MAEA: variants seen among roughly 807,000 people sequenced by gnomAD.
MAEA encodes the protein macrophage erythroblast attacher, E3 ubiquitin ligase.
A neutral mutation model predicts 46.2 loss-of-function variants in MAEA; 22 were observed. That is an observed-to-expected ratio of 0.48 (90% CI 0.34 to 0.68). MAEA has a LOEUF of 0.68. Ranked by LOEUF, MAEA falls within the 30% of genes least tolerant of loss-of-function variation. The pLI, the probability that MAEA is intolerant of heterozygous loss-of-function variation, is 0.01. For synonymous variants in MAEA, 246 were observed against 222.6 expected, an observed-to-expected ratio of 1.11 and a Z score of -0.94; for missense variants, 393 against 558.1, an observed-to-expected ratio of 0.70 and a Z score of 2.98.
intron 1 of MAEA, among the ~76,000 whole-genome samples, chr4:1,290,554 A>C (rs1733998336): frequency 6.6e-6 from 1 of 152,178 alleles, no homozygotes; most frequent in Non-Finnish European, 1.5e-5. Context: ...CACTTCTTAG[A>C]ATGAAATTTG....
Position 1,322,943 on chromosome 4 carries a change from CTTTTTTTTTTT to C in MAEA, c.579+460_579+470del, listed in dbSNP as rs60692981. Among the ~76,000 whole-genome samples, 23 of 75,270 alleles carry C rather than the reference CTTTTTTTTTTT, an allele frequency of 3.1e-4. No individual in the cohort carries two copies. The East Asian group carries it at 3.6e-3, about 12-fold the overall frequency. 49.4% of individuals were successfully genotyped at this position (75,270 alleles called of 152,430 possible). ...CTGTGATATTGTTAATGAATACCCA[CTTTTTTTTTTT>C]TTTTTTTTTTTTTTTTTTTGAGACG... On this transcript the variant is annotated intron_variant, in intron 4 of 8. Coordinates refer to ENST00000303400, the MANE Select transcript of MAEA (RefSeq NM_001017405.3).
At chr4:1,304,212 A>G (rs1380878269) in intron 1 of MAEA, among the ~76,000 whole-genome samples, 1 of 152,190 alleles carries the variant, frequency 6.6e-6, no homozygotes, top group Non-Finnish European at 1.5e-5. Flanking sequence ...TGTGCTGTCA[A>G]TGTAAAGTAT....
At position 1,338,639 on chromosome 4, in the gene MAEA, G is replaced by T. The variant is rs752323494; in HGVS notation, c.1095+22G>T. ...CAATGTGAGGGGGGCAGGGCAGGGG[G>T]GCCAGGCTGGCACGCATCGCCATCG... On this transcript the variant is annotated intron_variant, in intron 8 of 8. Transcript: ENST00000303400. 15 of 1,577,788 alleles carry T rather than the reference G, an allele frequency of 9.5e-6. 1 individual carries two copies. In the South Asian group the frequency reaches 1.7e-4, roughly 18 times the overall value.
At chr4:1,317,903 C>T (rs529715506) in intron 3 of MAEA, among the ~76,000 whole-genome samples, 5 of 152,306 alleles carry the variant, frequency 3.3e-5, no homozygotes, top group South Asian at 2.1e-4. Context: ...TGGACGGGGT[C>T]GTCTGTGATG....
At chr4:1,338,332 C>A in intron 7 of MAEA, 90 bp from the exon 8 acceptor site, 1 of 1,013,920 alleles carries the variant, frequency 9.9e-7, no homozygotes, top group Non-Finnish European at 1.5e-6. Flanking sequence ...GCCAGAAGGG[C>A]ACGCAGCCCA....
intron 1 of MAEA, among the ~76,000 whole-genome samples, chr4:1,305,495 T>C (rs548822010): frequency 6.6e-6 from 1 of 152,340 alleles, no homozygotes; most frequent in East Asian, 1.9e-4. Flanking sequence ...TATGTGGATA[T>C]TGTATGTCCA....
chr4:1,337,272 T>A lies in MAEA; in HGVS notation c.899+278T>A, dbSNP rs147581467. ...CATTGATCTAAAAGCCCGATTTTGA[T>A]GTGTTCTGGCAGCCGGCAGATTACC... On this transcript the variant is annotated intron_variant, in intron 7 of 8. Coordinates refer to ENST00000303400, the MANE Select transcript of MAEA (RefSeq NM_001017405.3). The A allele has an allele frequency of 4.4e-4, 208 of 473,282 alleles. No individual in the cohort carries two copies. The East Asian group carries it at 8.3e-3, about 19-fold the overall frequency. 29.3% of individuals were successfully genotyped at this position (473,282 alleles called of 1,614,324 possible). A position where few individuals can be genotyped will look rare whatever the true frequency, so the allele number is the denominator to read the frequency against.
intron 2 of MAEA, among the ~76,000 whole-genome samples, chr4:1,315,143 G>A (rs1736967868): frequency 6.6e-6 from 1 of 152,250 alleles, no homozygotes; most frequent in Admixed American, 6.5e-5. Context: ...ATGGCTTCAG[G>A]GTATATTAAT....
At chr4:1,298,005 A>G (rs1371046306) in intron 1 of MAEA, 1 of 456,068 alleles carries the variant, frequency 2.2e-6, no homozygotes, top group Admixed American at 2.3e-5. Flanking sequence ...CACTGGCCAC[A>G]GAAGCCGCAC....
At chr4:1,300,366 C>G (rs1735195674) in intron 1 of MAEA, among the ~76,000 whole-genome samples, 1 of 152,194 alleles carries the variant, frequency 6.6e-6, no homozygotes, top group East Asian at 1.9e-4. Flanking sequence ...TGGGCCTTGC[C>G]AGACACCACA....
At chr4:1,308,617 C>T (rs1304464230) in intron 1 of MAEA, among the ~76,000 whole-genome samples, 1 of 152,232 alleles carries the variant, frequency 6.6e-6, no homozygotes, top group African/African-American at 2.4e-5. Context: ...TCCTAACGGG[C>T]ACGAGGTGAT....
intron 1 of MAEA, chr4:1,309,833 G>T (rs1331922744): frequency 1.0e-5 from 14 of 1,359,522 alleles, no homozygotes; most frequent in Non-Finnish European, 1.2e-5. Flanking sequence ...CCAGCTGCCC[G>T]GAGCTCTGCC....
intron 2 of MAEA, 65 bp from the exon 3 acceptor site, chr4:1,315,332 C>A: frequency 6.7e-7 from 1 of 1,498,448 alleles, no homozygotes; most frequent in Non-Finnish European, 9.2e-7. Flanking sequence ...GGCAGCCTGG[C>A]CTCCCTTGGT....
chr4:1,331,305 G>T (rs1474694697), intron 5 of MAEA: 1 of 151,480 alleles, frequency 6.6e-6, no homozygotes, highest in African/African-American at 2.4e-5. Flanking sequence ...GGGGTCGGCC[G>T]TGTGGATTCA....
chr4:1,338,899 G>T, intron 8 of MAEA, 175 bp from the exon 9 acceptor site: 1 of 673,588 alleles, frequency 1.5e-6, no homozygotes. Context: ...GGATGAAGGG[G>T]TGGGAAGGAC....
At chr4:1,333,508 T>A (rs1340027665) in intron 6 of MAEA, among the ~76,000 whole-genome samples, 2 of 152,148 alleles carry the variant, frequency 1.3e-5, no homozygotes, top group African/African-American at 4.8e-5. Context: ...GCTGACGCTT[T>A]GTATTTTATC....
intron 4 of MAEA, among the ~76,000 whole-genome samples, chr4:1,326,861 C>T (rs901182189): frequency 5.9e-5 from 9 of 152,368 alleles, no homozygotes; most frequent in African/African-American, 4.8e-5. Context: ...TCTGTGCGGT[C>T]CCCCGTCCAT....
chr4:1,313,815 G>A (rs1736807278), intron 2 of MAEA, among the ~76,000 whole-genome samples: 1 of 152,140 alleles, frequency 6.6e-6, no homozygotes, highest in Admixed American at 6.5e-5. Context: ...GGGCGAGGCA[G>A]GTAGATTGCT....
At chr4:1,323,776 C>T (rs765817101) in intron 4 of MAEA, among the ~76,000 whole-genome samples, 5 of 152,210 alleles carry the variant, frequency 3.3e-5, no homozygotes, top group African/African-American at 4.8e-5. Flanking sequence ...AATTACCTGC[C>T]GGACAGTGTT....
Sources: allele counts gnomAD v4.1 joint callset (sites outside exome capture counted in the v4.1 genomes callset), GRCh38; gene constraint gnomAD v4.1.1; transcripts MANE v1.5; gene names NCBI Gene and HGNC (gene_info 2026-07-23, HGNC 2026-07-21).